Variants in SH3BP2 observed in about 807,000 individuals in gnomAD.
The protein encoded by SH3BP2 is SH3 domain-binding protein 2.
Under a neutral mutation model 56.2 loss-of-function variants are expected in SH3BP2, and 38 were observed. The ratio of observed to expected loss-of-function variants is 0.68; its 90% CI spans 0.52 to 0.89. The LOEUF (loss-of-function observed/expected upper bound fraction) is 0.89. Ranked by LOEUF, SH3BP2 falls within the 40% of genes least tolerant of loss-of-function variation. The pLI, the probability that SH3BP2 is intolerant of heterozygous loss-of-function variation, is 0.00. For synonymous variants in SH3BP2, 346 were observed against 316.7 expected (o/e 1.09, Z -0.98); for missense variants, 748 against 762.6 (o/e 0.98, Z 0.23).
chr4:2,806,494 C>T (rs1412205423), intron 1 of SH3BP2, among the ~76,000 whole-genome samples: 1 of 152,222 alleles, frequency 6.6e-6, no homozygotes, highest in African/African-American at 2.4e-5. Context: ...TCCTGAGCCG[C>T]CTCTGCTGCT....
At chr4:2,826,894 T>A in intron 5 of SH3BP2, 1 of 526,342 alleles carries the variant, frequency 1.9e-6, no homozygotes, top group Non-Finnish European at 3.7e-6. Context: ...CGCGTGTCCC[T>A]GTGTCTTTGT....
rs184636474 is a variant in SH3BP2 at position 2,831,860 on chromosome 4, C to T, written c.1351-63C>T. On this transcript the variant is annotated intron_variant, in intron 9 of 12. Transcript: ENST00000503393. This position sits in a 1 kb window ranked among gnomAD's most constrained non-coding sequence, Gnocchi z 4.1. The stretch of plus-strand genomic sequence containing the variant: ...ATCCCGGCACCGGGTGGCCACCGTC[C>T]GGGGAGTGGTGGTGCGGGTGGATCA... The T allele has an allele frequency of 5.3e-4, 839 of 1,571,632 alleles. 5 individuals carry two copies. The African/African-American group carries it at 9.0e-3, about 17-fold the overall frequency.
At chr4:2,827,428 C>G (rs972671929) in intron 6 of SH3BP2, 110 bp downstream of exon 6, 3 of 1,255,098 alleles carry the variant, frequency 2.4e-6, no homozygotes, top group Non-Finnish European at 3.5e-6. Context: ...TGCTCTGGCC[C>G]TTTGGCAGTG....
Position 2,810,271 on chromosome 4 carries a change from C to T in SH3BP2, c.-4-10343C>T, listed in dbSNP as rs1195266939. On this transcript the variant is annotated intron_variant, in intron 1 of 12. Coordinates refer to ENST00000503393, the MANE Select transcript of SH3BP2 (RefSeq NM_001122681.2). The surrounding 1 kb of genome is among the most constrained non-coding windows in gnomAD (Gnocchi z 4.2). ...GGCTGGTGTGGATTTGTCCCCCACC[C>T]CCAGGGTCCCCTCACCTGGCCTGCT... Among the ~76,000 whole-genome samples, 2 of 151,828 alleles carry T rather than the reference C, an allele frequency of 1.3e-5. No individual in the cohort carries two copies. Among genetic ancestry groups the T allele is most frequent in the Admixed American group, 6.6e-5 (1 of 15,246 alleles).
At chr4:2,817,612 G>A (rs1724055268) in intron 1 of SH3BP2, among the ~76,000 whole-genome samples, 2 of 152,322 alleles carry the variant, frequency 1.3e-5, no homozygotes. Flanking sequence ...AGGCCAGCAA[G>A]GGCCTCTGCC....
At chr4:2,824,069 G>C (rs1342162453) in intron 3 of SH3BP2, among the ~76,000 whole-genome samples, 3 of 152,238 alleles carry the variant, frequency 2.0e-5, no homozygotes, top group Admixed American at 2.0e-4. Flanking sequence ...TGGGCCTGAG[G>C]AGTTTTGGCC....
rs1460533861 is a variant in SH3BP2, at chr4:2,831,108, T to C, written c.1242-463T>C. ...GGCCCGTTAATCCTCCCTAGAGCCT[T>C]TGAGGCTTTGCTGAGCAGGACCGGC... On this transcript the variant is annotated intron_variant, in intron 8 of 12. Transcript: ENST00000503393. This position sits in a 1 kb window ranked among gnomAD's most constrained non-coding sequence, Gnocchi z 4.1. 1.3e-5 allele frequency among the ~76,000 whole-genome samples: 2 copies of C among 152,186 alleles called. No individual in the cohort carries two copies. The highest frequency in any genetic ancestry group is 2.9e-5 in the Non-Finnish European group (2 of 68,016).
chr4:2,822,980 T>C lies in SH3BP2; in HGVS notation c.182T>C (p.Phe61Ser), dbSNP rs1157508246. The stretch of plus-strand genomic sequence containing the variant: ...ATCCACAAACGCTGCGTCTACTACT[T>C]CAAGAGTAGCACCTCTGCCTCCCCG... Reference protein sequence around the residue: ...VIIHKRCVYYFKSSTSASPQG... With the variant: ...VIIHKRCVYYSKSSTSASPQG... The change falls in exon 3 of 13, where the codon TTC becomes TCC. Residue 61 changes from phenylalanine (F) to serine (S), a missense_variant. By Grantham distance (155) the Phe-to-Ser change is radical (BLOSUM62 -2). Transcript: ENST00000503393. 19 of 1,613,950 alleles carry C rather than the reference T, an allele frequency of 1.2e-5. No homozygotes were observed. Among genetic ancestry groups the C allele is most frequent in the Non-Finnish European group, 1.4e-5 (17 of 1,179,992 alleles).
chr4:2,814,075 C>G (rs981720163), intron 1 of SH3BP2, among the ~76,000 whole-genome samples: 1 of 152,218 alleles, frequency 6.6e-6, no homozygotes, highest in African/African-American at 2.4e-5. Context: ...CCAGGATGAT[C>G]CTGCAGGAGC....
chr4:2,818,807 T>G, intron 1 of SH3BP2: 1 of 986,862 alleles, frequency 1.0e-6, no homozygotes, highest in Non-Finnish European at 1.2e-6. Flanking sequence ...AAGGAGCTGG[T>G]GGGGTCCAGC....
In SH3BP2 at chr4:2,823,018, T is replaced by A; in HGVS notation, c.220T>A (p.Ser74Thr). The change falls in exon 3 of 13, where the codon TCC becomes ACC. Residue 74 changes from serine to threonine, a missense_variant. Physicochemically the swap from Ser to Thr is moderately conservative, Grantham distance 58. Around this residue, in one of 3 missense-constraint regions of SH3BP2, gnomAD observed 104 missense variants for 123.1 expected, o/e 0.84. Coordinates refer to ENST00000503393, the MANE Select transcript of SH3BP2 (RefSeq NM_001122681.2). ...STSASPQGAF[S>T]LSGYNRVMRA... The stretch of plus-strand genomic sequence containing the variant: ...CTCTGCCTCCCCGCAGGGCGCCTTC[T>A]CCCTGAGTGGCTATAACCGGTAAGT... The A allele has an allele frequency of 6.2e-7, 1 of 1,613,688 alleles. No individual in the cohort carries two copies. The highest frequency in any genetic ancestry group is 1.1e-5 in the South Asian group (1 of 91,044).
rs777175847 is a variant in SH3BP2, at chr4:2,825,204, C to T, written c.428+8C>T. 1.7e-5 allele frequency: 27 copies of T among 1,572,050 alleles called. No homozygotes were observed. Among genetic ancestry groups the T allele is most frequent in the Admixed American group, 1.3e-4 (7 of 54,212 alleles). Reference sequence around the variant, plus strand: ...CCTGCCCTTGGACACCAGGTGAGCCCGGGCCCAGGGCATACCGGGCAGTGA... The same window carrying T: ...CCTGCCCTTGGACACCAGGTGAGCCTGGGCCCAGGGCATACCGGGCAGTGA... On this transcript the variant is annotated splice_region_variant and intron_variant, in intron 5 of 12. Coordinates refer to ENST00000503393, the MANE Select transcript of SH3BP2 (RefSeq NM_001122681.2).
chr4:2,826,554 GT>G, intron 5 of SH3BP2: 1 of 300,990 alleles, frequency 3.3e-6, no homozygotes. Flanking sequence ...GTGTGTGTGT[GT>G]GCATGTCTGC....
chr4:2,818,447 C>G, intron 1 of SH3BP2: 1 of 978,230 alleles, frequency 1.0e-6, no homozygotes, highest in East Asian at 3.9e-5. Context: ...GCTTCCGGCT[C>G]TGGACCCCGC....
intron 11 of SH3BP2, among the ~76,000 whole-genome samples, chr4:2,832,762 C>T (rs1203213775): frequency 3.9e-5 from 6 of 152,262 alleles, no homozygotes; most frequent in East Asian, 3.9e-4. Context: ...CCGGGTGTGT[C>T]GGAGTGGTTA....
At chr4:2,832,044 C>T (rs1183898971) in intron 10 of SH3BP2, 66 bp downstream of exon 10, 8 of 1,528,502 alleles carry the variant, frequency 5.2e-6, no homozygotes, top group Admixed American at 1.7e-5. Flanking sequence ...CTGTGTCCCT[C>T]TCACTAGCTT....
Position 2,833,987 on chromosome 4 carries a change from T to C in SH3BP2, c.*153T>C, listed in dbSNP as rs1725143383. 2 of 930,726 alleles carry C rather than the reference T, an allele frequency of 2.1e-6. No homozygotes were observed. The highest frequency in any genetic ancestry group is 3.1e-6 in the Non-Finnish European group (2 of 636,268). The allele number at this position is 930,726 out of a possible 1,614,324, so 57.7% of individuals were successfully genotyped here. ...TGGACATCTCGTAGGACCCAGCCAG[T>C]CTCATCCAGCAGGTTGGGTTCTAGG... On this transcript the variant is annotated 3_prime_UTR_variant, in exon 13 of 13. Coordinates refer to ENST00000503393, the MANE Select transcript of SH3BP2 (RefSeq NM_001122681.2).
chr4:2,831,743 T>G lies in SH3BP2; in HGVS notation c.1350+64T>G. On this transcript the variant is annotated intron_variant, in intron 9 of 12. Transcript: ENST00000503393. The surrounding 1 kb of genome is among the most constrained non-coding windows in gnomAD (Gnocchi z 4.1). ...AGGTGGACAGGTGGTGGGAAAGCCA[T>G]AGGCCAGGGCGGCCCCTCACAGACC... The G allele has an allele frequency of 1.4e-6, 2 of 1,448,108 alleles. No individual in the cohort carries two copies. The highest frequency in any genetic ancestry group is 1.9e-6 in the Non-Finnish European group (2 of 1,049,886). 89.7% of individuals were successfully genotyped at this position (1,448,108 alleles called of 1,614,324 possible). A position where few individuals can be genotyped will look rare whatever the true frequency, so the allele number is the denominator to read the frequency against.
rs1723697977 is a variant in SH3BP2 at position 2,810,417 on chromosome 4, T to C, written c.-4-10197T>C. 6.6e-6 allele frequency among the ~76,000 whole-genome samples: 1 copy of C among 151,520 alleles called. No homozygotes were observed. The highest frequency in any genetic ancestry group is 2.1e-4 in the South Asian group (1 of 4,808). On this transcript the variant is annotated intron_variant, in intron 1 of 12. Transcript: ENST00000503393. This position sits in a 1 kb window ranked among gnomAD's most constrained non-coding sequence, Gnocchi z 4.2. ...CTTGCTTCTGCCTCTGCCGAGTCTATGAGTGTGGGGCTTTTGGCGGAGCAA... is the reference window on the plus strand; with the variant it reads ...CTTGCTTCTGCCTCTGCCGAGTCTACGAGTGTGGGGCTTTTGGCGGAGCAA...
Sources: allele counts gnomAD v4.1 joint callset (sites outside exome capture counted in the v4.1 genomes callset), GRCh38; gene constraint gnomAD v4.1.1; regional missense constraint gnomAD v4.1.1; non-coding constraint Gnocchi (gnomAD v3.1); transcripts MANE v1.5; gene names NCBI Gene and HGNC (gene_info 2026-07-23, HGNC 2026-07-21).